The following CHST9 variants were observed in gnomAD, a reference collection of about 807,000 sequenced individuals.
The protein encoded by CHST9 is GalNAc-4-sulfotransferase 2.
A neutral mutation model predicts 44.4 loss-of-function variants in CHST9; 41 were observed. The observed-to-expected ratio is 0.92, with a 90% CI of 0.72 to 1.20. The LOEUF (loss-of-function observed/expected upper bound fraction) is 1.20. Among genes scored for constraint, CHST9 ranks in the 50% most tolerant of loss-of-function variants. The probability of loss-of-function intolerance (pLI) is 0.00; values close to 1 mark genes in which losing one functional copy is unlikely to be tolerated. For synonymous variants in CHST9, 171 were observed against 178.4 expected, an observed-to-expected ratio of 0.96 and a Z score of 0.33; for missense variants, 504 against 516.5, an observed-to-expected ratio of 0.98 and a Z score of 0.23.
At chr18:26,985,842 GC>G (rs1020931033) in intron 4 of CHST9, among the ~76,000 whole-genome samples, 35 of 152,262 alleles carry the variant, frequency 2.3e-4, no homozygotes, top group African/African-American at 8.4e-4. Context: ...AATTTTTAGG[GC>G]ATTGAGTAGA....
Position 26,910,658 on chromosome 18 carries a change from A to T in CHST9, c.*5601T>A, listed in dbSNP as rs1046778818. 2 of 152,054 alleles carry T rather than the reference A, an allele frequency of 1.3e-5. No individual in the cohort carries two copies. Among genetic ancestry groups the T allele is most frequent in the Non-Finnish European group, 2.9e-5 (2 of 68,000 alleles). The allele number at this position is 152,054 out of a possible 1,614,324, so 9.4% of individuals were successfully genotyped here. A position where few individuals can be genotyped will look rare whatever the true frequency, so the allele number is the denominator to read the frequency against. On this transcript the variant is annotated 3_prime_UTR_variant, in exon 6 of 6. Coordinates refer to ENST00000618847, the MANE Select transcript of CHST9 (RefSeq NM_031422.6). The stretch of plus-strand genomic sequence containing the variant: ...GTTAAATAAAATGCACTGTCAGCCA[A>T]ACCAAACATATCTGTAGCCAGATCT...
intron 2 of CHST9, among the ~76,000 whole-genome samples, chr18:27,067,009 A>G (rs952294032): frequency 1.2e-4 from 18 of 152,168 alleles, no homozygotes; most frequent in African/African-American, 2.9e-4. Flanking sequence ...TTTTATTAAG[A>G]TAGAATTATC....
At chr18:27,038,769 A>T (rs1298409270) in intron 3 of CHST9, among the ~76,000 whole-genome samples, 1 of 152,146 alleles carries the variant, frequency 6.6e-6, no homozygotes, top group Non-Finnish European at 1.5e-5. Flanking sequence ...CAATGATTGC[A>T]TCATGTAATC....
chr18:26,990,086 A>G (rs950132254), intron 4 of CHST9, among the ~76,000 whole-genome samples: 5 of 152,242 alleles, frequency 3.3e-5, no homozygotes, highest in African/African-American at 1.2e-4. Context: ...AACTATTGAT[A>G]CATGCCTCAA....
chr18:26,965,346 C>A (rs1425075765), intron 4 of CHST9, among the ~76,000 whole-genome samples: 1 of 152,166 alleles, frequency 6.6e-6, no homozygotes, highest in Non-Finnish European at 1.5e-5. Flanking sequence ...GCAGTGCCAT[C>A]AGTTTATAAC....
chr18:27,049,249 G>C (rs762716068), intron 2 of CHST9, among the ~76,000 whole-genome samples: 2 of 151,944 alleles, frequency 1.3e-5, no homozygotes, highest in Non-Finnish European at 2.9e-5. Flanking sequence ...CGAAATAATA[G>C]GGCCCAGTGA....
At chr18:27,009,728 T>C (rs993948199) in intron 4 of CHST9, among the ~76,000 whole-genome samples, 1 of 152,232 alleles carries the variant, frequency 6.6e-6, no homozygotes, top group Admixed American at 6.5e-5. Context: ...TTGAAAAGGG[T>C]ACCATCAAAC....
chr18:26,993,181 C>T (rs1486409999), intron 4 of CHST9, among the ~76,000 whole-genome samples: 1 of 152,160 alleles, frequency 6.6e-6, no homozygotes, highest in East Asian at 1.9e-4. Flanking sequence ...TCAGACTATC[C>T]ACACAGAGCT....
intron 2 of CHST9, among the ~76,000 whole-genome samples, chr18:27,052,399 T>C (rs1303460609): frequency 6.6e-6 from 1 of 152,126 alleles, no homozygotes; most frequent in Non-Finnish European, 1.5e-5. Context: ...AAAAATTACA[T>C]GGTAGGACAG....
At chr18:26,987,349 C>T (rs2056766054) in intron 4 of CHST9, among the ~76,000 whole-genome samples, 1 of 152,130 alleles carries the variant, frequency 6.6e-6, no homozygotes, top group Admixed American at 6.5e-5. Flanking sequence ...GTGTCATGTG[C>T]TTTAACTCCC....
intron 2 of CHST9, among the ~76,000 whole-genome samples, chr18:27,053,140 GA>G (rs747281944): frequency 0.034 from 3,563 of 103,824 alleles, 144 homozygotes; most frequent in Non-Finnish European, 0.051. Context: ...GGAAGAAGAA[GA>G]AGAAGAAGAA....
intron 2 of CHST9, among the ~76,000 whole-genome samples, chr18:27,078,629 G>C (rs935280137): frequency 6.6e-6 from 1 of 152,116 alleles, no homozygotes; most frequent in African/African-American, 2.4e-5. Context: ...CACTAACAGG[G>C]ATCAGAGATG....
intron 1 of CHST9, chr18:27,143,148 G>A (rs1403044466): frequency 6.4e-6 from 1 of 157,194 alleles, no homozygotes; most frequent in Non-Finnish European, 1.4e-5. Context: ...GTTAGGCAAA[G>A]TCTGGCCAGA....
intron 2 of CHST9, among the ~76,000 whole-genome samples, chr18:27,070,047 C>T (rs2057822440): frequency 6.6e-6 from 1 of 152,002 alleles, no homozygotes; most frequent in Non-Finnish European, 1.5e-5. Flanking sequence ...TTTAAATCAC[C>T]CTCTATGCCA....
chr18:26,995,259 TAA>T (rs56839431), intron 4 of CHST9, among the ~76,000 whole-genome samples: 1,500 of 110,072 alleles, frequency 0.014, 26 homozygotes, highest in African/African-American at 0.046. Context: ...CCATCTCTAC[TAA>T]AAAAAAAAAA....
intron 1 of CHST9, among the ~76,000 whole-genome samples, chr18:27,157,715 T>C (rs1021259733): frequency 2.0e-5 from 3 of 151,956 alleles, no homozygotes; most frequent in African/African-American, 7.3e-5. Context: ...TAAATATAGA[T>C]ATATAGAGAA....
intron 2 of CHST9, among the ~76,000 whole-genome samples, chr18:27,095,367 A>G (rs925559919): frequency 6.6e-6 from 1 of 152,170 alleles, no homozygotes; most frequent in African/African-American, 2.4e-5. Context: ...AGAACCTATA[A>G]GGCAACCACA....
chr18:27,136,562 G>A (rs1455657472), intron 2 of CHST9, among the ~76,000 whole-genome samples: 1 of 152,152 alleles, frequency 6.6e-6, no homozygotes, highest in Admixed American at 6.5e-5. Flanking sequence ...TATTTGCTTA[G>A]CCTCAGTTTT....
intron 1 of CHST9, among the ~76,000 whole-genome samples, chr18:27,166,247 C>A (rs2058789309): frequency 1.3e-5 from 2 of 152,256 alleles, no homozygotes; most frequent in South Asian, 4.1e-4. Context: ...TTTGTATATT[C>A]CACCATTTCT....
Sources: gnomAD v4.1 joint callset for allele counts (sites outside exome capture counted in the v4.1 genomes callset) on GRCh38, gnomAD v4.1.1 for gene constraint, MANE v1.5 for transcripts, NCBI Gene and HGNC (gene_info 2026-07-23, HGNC 2026-07-21) for gene names.